AFF3: variants seen among roughly 807,000 people sequenced by gnomAD.
AFF3 encodes AF4/FMR2 family member 3.
AFF3 carries 32 observed loss-of-function variants against 129.7 expected under a neutral mutation model. The ratio of observed to expected loss-of-function variants is 0.25; its 90% confidence interval spans 0.19 to 0.33. AFF3 has a LOEUF of 0.33. AFF3 is among the 10% of genes least tolerant of loss of function. AFF3 has a pLI of 1.00. For missense variants in AFF3, 1,373 were observed against 1,592.0 expected (o/e 0.86, Z 2.34); for synonymous variants, 644 against 635.4 (o/e 1.01, Z -0.20).
At chr2:99,714,106 G>A (rs973302606) in intron 11 of AFF3, among the ~76,000 whole-genome samples, 1 of 152,134 alleles carries the variant, frequency 6.6e-6, no homozygotes, top group Non-Finnish European at 1.5e-5. Flanking sequence ...TTTCTATGAT[G>A]GTATCATTTC....
At chr2:99,643,678 G>A (rs778788215) in intron 13 of AFF3, among the ~76,000 whole-genome samples, 25 of 152,132 alleles carry the variant, frequency 1.6e-4, no homozygotes, top group Non-Finnish European at 3.2e-4. Context: ...CACTTGACAA[G>A]GGGTCAGGAA....
At chr2:99,764,515 T>C (rs1682854457) in intron 8 of AFF3, among the ~76,000 whole-genome samples, 1 of 152,216 alleles carries the variant, frequency 6.6e-6, no homozygotes, top group African/African-American at 2.4e-5. Context: ...TTCTATTTAT[T>C]TACTTGAAAC....
intron 7 of AFF3, among the ~76,000 whole-genome samples, chr2:99,966,999 A>G (rs1366562980): frequency 6.6e-6 from 1 of 152,192 alleles, no homozygotes; most frequent in South Asian, 2.1e-4. Flanking sequence ...AGTTCTGATT[A>G]AAATGTTTAT....
intron 7 of AFF3, among the ~76,000 whole-genome samples, chr2:99,999,950 T>C (rs995526065): frequency 6.6e-6 from 1 of 152,184 alleles, no homozygotes; most frequent in Non-Finnish European, 1.5e-5. Context: ...GCCCACCCTT[T>C]GGTCAGAACA....
chr2:99,567,641 GCC>G (rs1676098194), intron 19 of AFF3, among the ~76,000 whole-genome samples: 1 of 152,148 alleles, frequency 6.6e-6, no homozygotes, highest in African/African-American at 2.4e-5. Context: ...GTGTGAGTGT[GCC>G]CATGAGAGTG....
intron 13 of AFF3, among the ~76,000 whole-genome samples, chr2:99,616,267 T>C (rs1681419504): frequency 6.6e-6 from 1 of 152,168 alleles, no homozygotes; most frequent in Non-Finnish European, 1.5e-5. Flanking sequence ...TTTTGGATAG[T>C]GCGGCCTCAA....
At chr2:99,688,912 T>C (rs956801186) in intron 11 of AFF3, among the ~76,000 whole-genome samples, 1 of 152,084 alleles carries the variant, frequency 6.6e-6, no homozygotes, top group African/African-American at 2.4e-5. Flanking sequence ...AATAAGTTAA[T>C]CCCTACTTGG....
intron 7 of AFF3, among the ~76,000 whole-genome samples, chr2:99,939,111 T>C (rs1254340202): frequency 2.0e-5 from 3 of 152,174 alleles, no homozygotes; most frequent in African/African-American, 7.2e-5. Context: ...CTAATACAAA[T>C]GTTATTTTGT....
At chr2:100,068,909 AT>A (rs982452914) in intron 4 of AFF3, among the ~76,000 whole-genome samples, 1 of 152,170 alleles carries the variant, frequency 6.6e-6, no homozygotes, top group Non-Finnish European at 1.5e-5. Flanking sequence ...CCTCAGTTCT[AT>A]CACTTTGGGT....
At chr2:99,597,960 T>C (rs542800474) in intron 14 of AFF3, among the ~76,000 whole-genome samples, 1 of 152,342 alleles carries the variant, frequency 6.6e-6, no homozygotes, top group Admixed American at 6.5e-5. Flanking sequence ...AGGCACCTAA[T>C]AAATGAGAAG....
At chr2:99,744,540 C>T in intron 9 of AFF3, among the ~76,000 whole-genome samples, 1 of 152,088 alleles carries the variant, frequency 6.6e-6, no homozygotes, top group East Asian at 1.9e-4. Flanking sequence ...TCTCCCATAC[C>T]CCTGCCCTCC....
Position 99,866,962 on chromosome 2 carries a change from C to CATAATA in AFF3, c.874-29444_874-29439dup, listed in dbSNP as rs1191700795. Among the ~76,000 whole-genome samples, 334 of 93,894 alleles carry CATAATA rather than the reference C, an allele frequency of 3.6e-3. 2 individuals carry two copies. Among genetic ancestry groups the CATAATA allele is most frequent in the East Asian group, 0.017 (52 of 3,140 alleles). 61.6% of individuals were successfully genotyped at this position (93,894 alleles called of 152,430 possible). On this transcript the variant is annotated intron_variant, in intron 7 of 24. Transcript: ENST00000672756. Reference sequence around the variant, plus strand: ...CTGCACTCCAGCCTGGGTAACACAGCATAATAATAATAATAATAATAATAA... The same window carrying CATAATA: ...CTGCACTCCAGCCTGGGTAACACAGCATAATAATAATAATAATAATAATAATAATAA...
intron 4 of AFF3, among the ~76,000 whole-genome samples, chr2:100,039,387 C>T (rs72819167): frequency 0.1 from 15,238 of 152,114 alleles, 1,078 homozygotes; most frequent in Non-Finnish European, 0.14. Context: ...AGTGAGACCC[C>T]ATCTTTACAA....
intron 13 of AFF3, among the ~76,000 whole-genome samples, chr2:99,635,724 C>T (rs1481842307): frequency 2.0e-5 from 3 of 152,182 alleles, no homozygotes; most frequent in South Asian, 2.1e-4. Context: ...GGCTCTACCC[C>T]CTACTGTGTT....
chr2:100,112,763 A>C (rs1277633316), intron 2 of AFF3, among the ~76,000 whole-genome samples: 1 of 152,154 alleles, frequency 6.6e-6, no homozygotes, highest in East Asian at 1.9e-4. Context: ...GAGAGGAGGA[A>C]AGTGAGTGAA....
chr2:99,720,987 C>T (rs879773865), intron 11 of AFF3, among the ~76,000 whole-genome samples: 5 of 152,256 alleles, frequency 3.3e-5, no homozygotes, highest in African/African-American at 4.8e-5. Flanking sequence ...GCATACATCA[C>T]AAATCCCACA....
chr2:100,049,865 T>C (rs1686144118), intron 4 of AFF3, among the ~76,000 whole-genome samples: 2 of 152,186 alleles, frequency 1.3e-5, no homozygotes, highest in African/African-American at 4.8e-5. Flanking sequence ...TCAAGAAACA[T>C]TACTGCCCTA....
intron 13 of AFF3, among the ~76,000 whole-genome samples, chr2:99,624,466 C>G (rs1349058555): frequency 6.6e-6 from 1 of 152,074 alleles, no homozygotes; most frequent in Non-Finnish European, 1.5e-5. Flanking sequence ...AAAAGTCAGT[C>G]AATGAATAAT....
chr2:99,638,479 G>A (rs1206724208), intron 13 of AFF3, among the ~76,000 whole-genome samples: 2 of 132,160 alleles, frequency 1.5e-5, no homozygotes, highest in Non-Finnish European at 3.1e-5. Context: ...GGTGGTGCGG[G>A]TTAGTTTTTC....
Sources: gnomAD v4.1 joint callset for allele counts (sites outside exome capture counted in the v4.1 genomes callset) on GRCh38, gnomAD v4.1.1 for gene constraint, MANE v1.5 for transcripts, NCBI Gene and HGNC (gene_info 2026-07-23, HGNC 2026-07-21) for gene names.